Variants in RUFY4 observed in about 807,000 individuals in gnomAD.
RUFY4 encodes RUN and FYVE domain-containing protein 4.
A neutral mutation model predicts 69.0 loss-of-function variants in RUFY4; 73 were observed. The ratio of observed to expected loss-of-function variants is 1.06; its 90% CI spans 0.88 to 1.29. The LOEUF (loss-of-function observed/expected upper bound fraction) is 1.29. Ranked by LOEUF, RUFY4 falls within the 50% of genes most tolerant of loss-of-function variation. RUFY4 has a pLI of 0.00. For missense variants in RUFY4, 770 were observed against 705.6 expected (o/e 1.09, Z -1.03); for synonymous variants, 287 against 271.8 (o/e 1.06, Z -0.55).
intron 9 of RUFY4, among the ~76,000 whole-genome samples, chr2:218,083,969 C>T (rs1272645196): frequency 6.6e-6 from 1 of 152,000 alleles, no homozygotes; most frequent in African/African-American, 2.4e-5. Flanking sequence ...ACCTGCCTGC[C>T]CACGGGACTT....
chr2:218,080,638 A>T (rs750319616), intron 8 of RUFY4, among the ~76,000 whole-genome samples: 2 of 152,306 alleles, frequency 1.3e-5, no homozygotes, highest in East Asian at 3.9e-4. Context: ...AGAAATTAGG[A>T]CAAGCATCAG....
chr2:218,089,182 G>A (rs1689967428), intron 9 of RUFY4, 70 bp from the exon 12 acceptor site: 5 of 1,214,478 alleles, frequency 4.1e-6, no homozygotes, highest in Non-Finnish European at 5.9e-6. Flanking sequence ...TCTCTGTCTG[G>A]GTCTTTTCCC....
intron 8 of RUFY4, among the ~76,000 whole-genome samples, chr2:218,079,186 G>C (rs962969554): frequency 6.6e-5 from 10 of 152,104 alleles, no homozygotes; most frequent in African/African-American, 1.9e-4. Context: ...CGTTTTAAAG[G>C]CCCCTTGGAG....
chr2:218,046,136 G>A (rs1192344944), intron 2 of RUFY4, among the ~76,000 whole-genome samples: 1 of 151,862 alleles, frequency 6.6e-6, no homozygotes, highest in African/African-American at 2.4e-5. Flanking sequence ...ATAATGTATA[G>A]TGATCAGATC....
chr2:218,054,832 A>G (rs1689025092), intron 2 of RUFY4, among the ~76,000 whole-genome samples: 1 of 152,240 alleles, frequency 6.6e-6, no homozygotes, highest in Non-Finnish European at 1.5e-5. Context: ...TTCATGAACA[A>G]AGGTGAAAAC....
At chr2:218,076,528 C>T (rs1313550416) in exon 8 of RUFY4, 9 of 1,550,150 alleles carry the variant, frequency 5.8e-6, no homozygotes, top group Non-Finnish European at 7.9e-6. Context: ...GGGAGCAGCT[C>T]AGCAGGTAAC....
chr2:218,065,148 C>A (rs1689294160), upstream of RUFY4, among the ~76,000 whole-genome samples: 1 of 152,204 alleles, frequency 6.6e-6, no homozygotes, highest in Non-Finnish European at 1.5e-5. Flanking sequence ...CTCCTTCCCA[C>A]CCACACCCAA....
chr2:218,076,454 G>A lies in RUFY4; in HGVS notation c.1276G>A (p.Glu426Lys). The change falls in exon 8 of 11, where the codon GAG (glutamate) becomes AAG (lysine). Residue 426 changes from glutamate to lysine, a missense_variant. Transcript: ENST00000344321. The stretch of plus-strand genomic sequence containing the variant: ...CCTCAGACTTGGGCTCCGGAAGGCT[G>A]AGGAGCAGGCCCAGCGCCAGGAGCA... 1 of 1,550,042 alleles carries A rather than the reference G, an allele frequency of 6.5e-7. No homozygotes were observed. The highest frequency in any genetic ancestry group is 8.7e-7 in the Non-Finnish European group (1 of 1,146,234).
rs1689618240 is a variant in RUFY4 at position 218,075,798 on chromosome 2, A to G, written c.1248+58A>G. On this transcript the variant is annotated intron_variant, in intron 7 of 10. Transcript: ENST00000344321. Reference sequence around the variant, plus strand: ...TGCCCCTGTCTGACCTGGCCCACAGATGAGGGTCTGCAATGGTAGCCTGGG... The same window carrying G: ...TGCCCCTGTCTGACCTGGCCCACAGGTGAGGGTCTGCAATGGTAGCCTGGG... The G allele has an allele frequency of 5.9e-6, 8 of 1,357,246 alleles. No individual in the cohort carries two copies. The Admixed American group carries it at 2.2e-4, about 38-fold the overall frequency. 84.1% of individuals were successfully genotyped at this position (1,357,246 alleles called of 1,614,324 possible).
intron 9 of RUFY4, among the ~76,000 whole-genome samples, chr2:218,085,698 C>T (rs1689878095): frequency 6.6e-6 from 1 of 152,174 alleles, no homozygotes; most frequent in African/African-American, 2.4e-5. Context: ...TCCCCACATG[C>T]AGAATATCCA....
At chr2:218,047,487 T>A (rs1688854976) in intron 2 of RUFY4, among the ~76,000 whole-genome samples, 1 of 152,194 alleles carries the variant, frequency 6.6e-6, no homozygotes, top group South Asian at 2.1e-4. Context: ...TCTCTTTTTC[T>A]CTTAAGGAAA....
chr2:218,084,467 A>G (rs939475278), intron 9 of RUFY4, among the ~76,000 whole-genome samples: 4 of 152,052 alleles, frequency 2.6e-5, no homozygotes, highest in African/African-American at 9.7e-5. Flanking sequence ...CCTGACCACA[A>G]GCAATCCACC....
At chr2:218,063,772 G>A (rs1447208299) in intron 3 of RUFY4, among the ~76,000 whole-genome samples, 1 of 152,168 alleles carries the variant, frequency 6.6e-6, no homozygotes, top group East Asian at 1.9e-4. Flanking sequence ...CTAGCAGGGA[G>A]GCGGGGCCCC....
intron 9 of RUFY4, among the ~76,000 whole-genome samples, chr2:218,088,465 AAAAAAG>A (rs2106077675): frequency 6.6e-6 from 1 of 152,232 alleles, no homozygotes; most frequent in Admixed American, 6.5e-5. Context: ...CAAAAAAAAA[AAAAAAG>A]AAAAGAAAAA....
chr2:218,072,253 G>T, intron 2 of RUFY4, 121 bp from the exon 5 acceptor site: 1 of 1,253,714 alleles, frequency 8.0e-7, no homozygotes, highest in South Asian at 1.5e-5. Context: ...GCTGGGTCTG[G>T]ATGCCGGGTG....
At chr2:218,090,072 C>G (rs575507424) in exon 11 of RUFY4, 3 of 1,478,522 alleles carry the variant, frequency 2.0e-6, no homozygotes, top group East Asian at 5.3e-5. Flanking sequence ...CAAGACCAGC[C>G]CATGACTGGC....
intron 8 of RUFY4, among the ~76,000 whole-genome samples, chr2:218,078,171 A>G (rs1299302144): frequency 3.9e-5 from 6 of 152,256 alleles, no homozygotes; most frequent in Non-Finnish European, 8.8e-5. Flanking sequence ...ATTAGCAAGT[A>G]AAGTACCTAG....
At chr2:218,042,339 C>T (rs1688713756) in intron 2 of RUFY4, among the ~76,000 whole-genome samples, 1 of 152,176 alleles carries the variant, frequency 6.6e-6, no homozygotes, top group South Asian at 2.1e-4. Context: ...GATTTGTTAA[C>T]ATAGAAACAC....
upstream of RUFY4, among the ~76,000 whole-genome samples, chr2:218,064,261 C>T (rs1294506280): frequency 6.6e-6 from 1 of 152,168 alleles, no homozygotes; most frequent in Non-Finnish European, 1.5e-5. Flanking sequence ...AGGGTGCCTC[C>T]TCCACCACCA....
Sources: gnomAD v4.1 joint callset for allele counts (sites outside exome capture counted in the v4.1 genomes callset) on GRCh38, gnomAD v4.1.1 for gene constraint, MANE v1.5 for transcripts, NCBI Gene and HGNC (gene_info 2026-07-23, HGNC 2026-07-21) for gene names.